ATRNL1: variants seen among roughly 807,000 people sequenced by gnomAD.
ATRNL1 encodes the protein attractin-like protein 1.
ATRNL1 carries 95 observed loss-of-function variants against 182.7 expected under a neutral mutation model. That is an observed-to-expected ratio of 0.52 (90% CI 0.44 to 0.62). ATRNL1 has a LOEUF of 0.62. Ranked by LOEUF, ATRNL1 falls within the 20% of genes least tolerant of loss-of-function variation. The probability of loss-of-function intolerance (pLI) is 0.00; values close to 1 mark genes in which losing one functional copy is unlikely to be tolerated. For synonymous variants in ATRNL1, 576 were observed against 568.3 expected (o/e 1.01, Z -0.19); for missense variants, 1,471 against 1,679.5 (o/e 0.88, Z 2.17).
intron 24 of ATRNL1, among the ~76,000 whole-genome samples, chr10:115,495,161 T>G (rs1849482177): frequency 6.6e-6 from 1 of 152,170 alleles, no homozygotes; most frequent in South Asian, 2.1e-4. Flanking sequence ...TGTATTTCTG[T>G]GGGAATGGTT....
intron 26 of ATRNL1, among the ~76,000 whole-genome samples, chr10:115,561,694 T>G (rs1438000529): frequency 5.1e-4 from 58 of 114,796 alleles, no homozygotes; most frequent in African/African-American, 6.6e-4. Flanking sequence ...TGTGTGGGTG[T>G]GTGTGTGTGG....
intron 20 of ATRNL1, among the ~76,000 whole-genome samples, chr10:115,400,151 T>G (rs1168835940): frequency 1.3e-5 from 2 of 152,024 alleles, no homozygotes; most frequent in African/African-American, 4.8e-5. Flanking sequence ...AAGACATATA[T>G]GTGGCCAAAA....
intron 28 of ATRNL1, among the ~76,000 whole-genome samples, chr10:115,853,539 A>G (rs1209619092): frequency 6.6e-6 from 1 of 152,192 alleles, no homozygotes; most frequent in Admixed American, 6.5e-5. Context: ...TGAAATTTCT[A>G]TTCCTTCACA....
At chr10:115,378,294 G>T (rs1554950094) in intron 19 of ATRNL1, among the ~76,000 whole-genome samples, 1 of 152,166 alleles carries the variant, frequency 6.6e-6, no homozygotes, top group African/African-American at 2.4e-5. Context: ...GGCAGTAACA[G>T]ACACGCCCAT....
intron 22 of ATRNL1, among the ~76,000 whole-genome samples, chr10:115,466,815 G>C (rs1473329364): frequency 5.3e-5 from 8 of 151,046 alleles, no homozygotes; most frequent in Admixed American, 1.3e-4. Context: ...ATCCAAACCT[G>C]TTTCATTTAA....
In ATRNL1 at chr10:115,921,116, T is replaced by A. The variant is rs1006297827; in HGVS notation, c.4019-23542T>A. 9.2e-5 allele frequency among the ~76,000 whole-genome samples: 14 copies of A among 151,926 alleles called. No homozygotes were observed. The South Asian group carries it at 2.5e-3, about 27-fold the overall frequency. On this transcript the variant is annotated intron_variant, in intron 28 of 28. Coordinates refer to ENST00000355044, the MANE Select transcript of ATRNL1 (RefSeq NM_207303.4). The stretch of plus-strand genomic sequence containing the variant: ...ATTTTTGGAGTTTCACGAAAGGAGG[T>A]CCCTGAAGAATAGAAGATGGTTTAG...
intron 16 of ATRNL1, among the ~76,000 whole-genome samples, chr10:115,300,909 C>G (rs139809529): frequency 1.9e-4 from 29 of 152,130 alleles, no homozygotes; most frequent in Non-Finnish European, 3.4e-4. Context: ...CACCCCACCC[C>G]CTACAGTCCC....
intron 27 of ATRNL1, among the ~76,000 whole-genome samples, chr10:115,837,914 A>G (rs1443434097): frequency 6.6e-6 from 1 of 152,206 alleles, no homozygotes; most frequent in Non-Finnish European, 1.5e-5. Context: ...CTGATATTCA[A>G]TTGGTTTTGA....
At chr10:115,676,064 A>G (rs1945851258) in intron 26 of ATRNL1, among the ~76,000 whole-genome samples, 1 of 152,086 alleles carries the variant, frequency 6.6e-6, no homozygotes, top group African/African-American at 2.4e-5. Context: ...TAGTCGTTTC[A>G]GTGACTATTA....
chr10:115,426,309 A>T lies in ATRNL1; in HGVS notation c.3322+7A>T. 1 of 1,595,374 alleles carries T rather than the reference A, an allele frequency of 6.3e-7. No individual in the cohort carries two copies. Among genetic ancestry groups the T allele is most frequent in the South Asian group, 1.1e-5 (1 of 89,670 alleles). ...CTTAGAGGAACATGTTATTGTAAGT[A>T]TATGTGTATTCTTCATTTTAAATAA... On this transcript the variant is annotated splice_region_variant and intron_variant, in intron 21 of 28. Coordinates refer to ENST00000355044, the MANE Select transcript of ATRNL1 (RefSeq NM_207303.4).
At chr10:115,264,376 A>C (rs1851519566) in intron 10 of ATRNL1, among the ~76,000 whole-genome samples, 1 of 151,646 alleles carries the variant, frequency 6.6e-6, no homozygotes, top group South Asian at 2.1e-4. Context: ...TTTTACCTAA[A>C]CAAAATTAAT....
At chr10:115,536,930 T>C (rs1852061296) in intron 25 of ATRNL1, among the ~76,000 whole-genome samples, 1 of 152,060 alleles carries the variant, frequency 6.6e-6, no homozygotes, top group Admixed American at 6.6e-5. Context: ...AAACAATGTG[T>C]AAGGACACTG....
intron 26 of ATRNL1, among the ~76,000 whole-genome samples, chr10:115,558,020 G>T (rs1554997648): frequency 6.6e-6 from 1 of 151,020 alleles, no homozygotes; most frequent in African/African-American, 2.4e-5. Flanking sequence ...ACTCCAGCCT[G>T]GCGACAGAGC....
chr10:115,151,926 A>G (rs769289039), intron 5 of ATRNL1, among the ~76,000 whole-genome samples: 53 of 152,282 alleles, frequency 3.5e-4, no homozygotes, highest in Non-Finnish European at 6.6e-4. Context: ...TCAGCCTTCT[A>G]CATATGGCTA....
intron 26 of ATRNL1, among the ~76,000 whole-genome samples, chr10:115,576,663 G>A (rs528837035): frequency 1.3e-5 from 2 of 152,082 alleles, no homozygotes; most frequent in Non-Finnish European, 2.9e-5. Context: ...GTTTGCAAAC[G>A]TTTTCTCCCA....
At chr10:115,203,272 T>C (rs551276474) in intron 8 of ATRNL1, among the ~76,000 whole-genome samples, 1 of 152,214 alleles carries the variant, frequency 6.6e-6, no homozygotes, top group African/African-American at 2.4e-5. Flanking sequence ...CAAGCGAAAC[T>C]TCAAACCTAG....
rs80143892 is a variant in ATRNL1, at chr10:115,142,690, C to A, written c.829+13155C>A. 8.8e-3 allele frequency among the ~76,000 whole-genome samples: 1,347 copies of A among 152,262 alleles called. 13 individuals carry two copies. The highest frequency in any genetic ancestry group is 0.015 in the Non-Finnish European group (992 of 68,022). Reference sequence around the variant, plus strand: ...GAGAATAGACTGTAGTAGCAGTATACCAGTTCAGAGGCTACTGCTATAATC... The same window carrying A: ...GAGAATAGACTGTAGTAGCAGTATAACAGTTCAGAGGCTACTGCTATAATC... On this transcript the variant is annotated intron_variant, in intron 5 of 28. Transcript: ENST00000355044.
At chr10:115,580,839 A>C (rs969546579) in intron 26 of ATRNL1, among the ~76,000 whole-genome samples, 3 of 152,066 alleles carry the variant, frequency 2.0e-5, no homozygotes, top group African/African-American at 7.2e-5. Context: ...AGAGTCCTCT[A>C]TTGATTTTTT....
intron 8 of ATRNL1, among the ~76,000 whole-genome samples, chr10:115,172,905 T>C (rs782629562): frequency 5.3e-5 from 8 of 151,782 alleles, no homozygotes; most frequent in Non-Finnish European, 1.0e-4. Flanking sequence ...TCATGTCAAG[T>C]TGGCCCTTAA....
Sources: gnomAD v4.1 joint callset for allele counts (sites outside exome capture counted in the v4.1 genomes callset) on GRCh38, gnomAD v4.1.1 for gene constraint, MANE v1.5 for transcripts, NCBI Gene and HGNC (gene_info 2026-07-23, HGNC 2026-07-21) for gene names.